Variants in RARB observed in about 807,000 individuals in gnomAD.
The protein encoded by RARB is HBV-activated protein.
A neutral mutation model predicts 51.9 loss-of-function variants in RARB; 17 were observed. The ratio of observed to expected loss-of-function variants is 0.33; its 90% CI spans 0.22 to 0.49. The LOEUF (loss-of-function observed/expected upper bound fraction) is 0.49. Ranked by LOEUF, RARB falls within the 20% of genes least tolerant of loss-of-function variation. The pLI is 0.99. For missense variants in RARB, 369 were observed against 550.8 expected (o/e 0.67, Z 3.30); for synonymous variants, 215 against 195.4 (o/e 1.10, Z -0.84).
chr3:24,829,477 C>A (rs1702250819), intron 1 of RARB, among the ~76,000 whole-genome samples: 1 of 152,154 alleles, frequency 6.6e-6, no homozygotes, highest in Non-Finnish European at 1.5e-5. Context: ...GTCCCCGGAG[C>A]CCCAAGCTGG....
At chr3:25,389,011 G>A (rs1036778046) in intron 5 of RARB, among the ~76,000 whole-genome samples, 27 of 152,090 alleles carry the variant, frequency 1.8e-4, no homozygotes, top group Admixed American at 1.4e-3. Context: ...ACATAATGCC[G>A]GTTGCAAGAA....
chr3:25,033,555 A>C (rs1697919229), intron 2 of RARB, among the ~76,000 whole-genome samples: 1 of 152,182 alleles, frequency 6.6e-6, no homozygotes, highest in Non-Finnish European at 1.5e-5. Flanking sequence ...GTCCACTGCC[A>C]AGCATCTGCC....
intron 5 of RARB, among the ~76,000 whole-genome samples, chr3:25,292,307 A>G (rs1253687751): frequency 3.9e-5 from 6 of 152,190 alleles, no homozygotes; most frequent in African/African-American, 1.4e-4. Flanking sequence ...TGTGTCCAAG[A>G]AATGTCCCAC....
At chr3:25,304,870 A>C (rs1293886294) in intron 5 of RARB, among the ~76,000 whole-genome samples, 1 of 152,220 alleles carries the variant, frequency 6.6e-6, no homozygotes, top group Non-Finnish European at 1.5e-5. Flanking sequence ...GCCAAGACAC[A>C]ATAACAATTC....
chr3:25,140,657 G>A (rs1700094152), intron 4 of RARB, among the ~76,000 whole-genome samples: 1 of 152,210 alleles, frequency 6.6e-6, no homozygotes, highest in South Asian at 2.1e-4. Context: ...AATAGCAGAG[G>A]TTGAAAGGAT....
At chr3:24,903,763 C>CAT (rs1694781438) in intron 2 of RARB, among the ~76,000 whole-genome samples, 1 of 152,102 alleles carries the variant, frequency 6.6e-6, no homozygotes, top group Non-Finnish European at 1.5e-5. Flanking sequence ...TTCTGAGAAA[C>CAT]ATTAATACTT....
At chr3:25,080,022 CCAT>C (rs1575150814) in intron 3 of RARB, among the ~76,000 whole-genome samples, 1 of 152,162 alleles carries the variant, frequency 6.6e-6, no homozygotes, top group South Asian at 2.1e-4. Context: ...TGTTGTACAA[CCAT>C]CATCATGATT....
intron 2 of RARB, among the ~76,000 whole-genome samples, chr3:25,464,920 C>G (rs1695354811): frequency 6.6e-6 from 1 of 152,008 alleles, no homozygotes; most frequent in Non-Finnish European, 1.5e-5. Context: ...TATGGTTATA[C>G]AATTAATATA....
chr3:25,086,755 C>T (rs1376287144), intron 3 of RARB, among the ~76,000 whole-genome samples: 1 of 151,988 alleles, frequency 6.6e-6, no homozygotes, highest in Admixed American at 6.6e-5. Context: ...TTCTGATTGG[C>T]AGTTGGTTGA....
intron 2 of RARB, among the ~76,000 whole-genome samples, chr3:25,005,917 C>A (rs761681410): frequency 6.6e-6 from 1 of 152,074 alleles, no homozygotes; most frequent in Non-Finnish European, 1.5e-5. Context: ...CCATTATTAC[C>A]TTTCTGACTT....
intron 2 of RARB, among the ~76,000 whole-genome samples, chr3:25,485,544 A>C (rs1696422631): frequency 6.6e-6 from 1 of 152,000 alleles, no homozygotes; most frequent in African/African-American, 2.4e-5. Flanking sequence ...GTGTGAGACA[A>C]CCCACTACCT....
chr3:25,517,448 G>A (rs1249641997), intron 3 of RARB, among the ~76,000 whole-genome samples: 1 of 152,164 alleles, frequency 6.6e-6, no homozygotes, highest in Non-Finnish European at 1.5e-5. Context: ...ATGAGATGCT[G>A]CTTCACACCC....
intron 5 of RARB, among the ~76,000 whole-genome samples, chr3:25,363,473 C>A (rs920723993): frequency 9.2e-5 from 14 of 152,162 alleles, no homozygotes; most frequent in African/African-American, 3.4e-4. Context: ...TTGATGGCAA[C>A]TTCATCTTTC....
At chr3:25,106,638 C>A (rs1328528307) in intron 3 of RARB, among the ~76,000 whole-genome samples, 1 of 118,260 alleles carries the variant, frequency 8.5e-6, no homozygotes, top group Non-Finnish European at 1.7e-5. Context: ...ATGAATCAAT[C>A]CCTTAGGCTG....
intron 5 of RARB, among the ~76,000 whole-genome samples, chr3:25,193,139 T>C (rs1045240415): frequency 5.3e-5 from 8 of 152,088 alleles, no homozygotes; most frequent in African/African-American, 1.9e-4. Context: ...TAATCACTTG[T>C]CCCATCAACC....
At chr3:24,853,376 G>A (rs957511969) in intron 1 of RARB, among the ~76,000 whole-genome samples, 2 of 152,116 alleles carry the variant, frequency 1.3e-5, no homozygotes, top group African/African-American at 4.8e-5. Context: ...TTATTTCTAT[G>A]TCAATTCTCA....
In RARB at chr3:25,246,421, C is replaced by A. The variant is rs113670266; in HGVS notation, c.178+71846C>A. The stretch of plus-strand genomic sequence containing the variant: ...AGGTATTCTGGTTTTTGGAATTTTC[C>A]GCCTTTTTGTGCTTGTTTTTCCTCA... On this transcript the variant is annotated intron_variant, in intron 5 of 11. Coordinates refer to the RARB transcript ENST00000383772. Among the ~76,000 whole-genome samples the A allele has an allele frequency of 2.8e-3, 424 of 152,160 alleles. 3 individuals carry two copies. The highest frequency in any genetic ancestry group is 9.8e-3 in the African/African-American group (409 of 41,536).
intron 2 of RARB, among the ~76,000 whole-genome samples, chr3:24,873,564 G>A (rs529328891): frequency 6.6e-6 from 1 of 151,680 alleles, no homozygotes; most frequent in South Asian, 2.1e-4. Flanking sequence ...TCTCTCTACA[G>A]TAAGTTTTTT....
chr3:25,263,633 A>C (rs1333719781), intron 5 of RARB, among the ~76,000 whole-genome samples: 1 of 152,152 alleles, frequency 6.6e-6, no homozygotes, highest in Non-Finnish European at 1.5e-5. Flanking sequence ...GTAAAAAATG[A>C]GCCATGTATT....
Sources: gnomAD v4.1 joint callset for allele counts (sites outside exome capture counted in the v4.1 genomes callset) on GRCh38, gnomAD v4.1.1 for gene constraint, MANE v1.5 for transcripts, NCBI Gene and HGNC (gene_info 2026-07-23, HGNC 2026-07-21) for gene names.